Variants in PRKAR2A observed in about 807,000 individuals in gnomAD.
PRKAR2A encodes the protein cAMP-dependent protein kinase type II-alpha regulatory subunit.
PRKAR2A carries 29 observed loss-of-function variants against 51.9 expected under a neutral mutation model. The ratio of observed to expected loss-of-function variants is 0.56; its 90% CI spans 0.42 to 0.76. PRKAR2A has a LOEUF of 0.76. Ranked by LOEUF, PRKAR2A falls within the 30% of genes least tolerant of loss-of-function variation. PRKAR2A has a pLI of 0.00. For missense variants in PRKAR2A, 445 were observed against 512.1 expected (o/e 0.87, Z 1.26); for synonymous variants, 178 against 186.2 (o/e 0.96, Z 0.36).
chr3:48,752,108 G>T, intron 10 of PRKAR2A, 68 bp downstream of exon 10: 1 of 1,542,028 alleles, frequency 6.5e-7, no homozygotes, highest in Non-Finnish European at 8.8e-7. Context: ...ATATGTCAAG[G>T]CTTGCTGATG....
chr3:48,784,817 A>AG (rs2082261576), intron 4 of PRKAR2A, among the ~76,000 whole-genome samples: 1 of 152,290 alleles, frequency 6.6e-6, no homozygotes, highest in Admixed American at 6.5e-5. Flanking sequence ...AACACTGATG[A>AG]GGGGAAAAAA....
intron 1 of PRKAR2A, among the ~76,000 whole-genome samples, chr3:48,814,274 C>T (rs1416053159): frequency 1.3e-5 from 2 of 151,624 alleles, no homozygotes; most frequent in African/African-American, 2.4e-5. Flanking sequence ...AAAAATTAGC[C>T]TGGCGTGGTG....
At chr3:48,794,588 G>C (rs752720302) in intron 2 of PRKAR2A, among the ~76,000 whole-genome samples, 1 of 151,762 alleles carries the variant, frequency 6.6e-6, no homozygotes, top group African/African-American at 2.4e-5. Flanking sequence ...CCAGCTACTC[G>C]GGAGGCTGAG....
At chr3:48,805,008 C>A (rs2082651265) in intron 2 of PRKAR2A, among the ~76,000 whole-genome samples, 1 of 152,078 alleles carries the variant, frequency 6.6e-6, no homozygotes. Context: ...ACCTCCCAGG[C>A]TCAAGCAATC....
chr3:48,801,406 G>A (rs2082588401), intron 2 of PRKAR2A, among the ~76,000 whole-genome samples: 1 of 152,160 alleles, frequency 6.6e-6, no homozygotes, highest in East Asian at 1.9e-4. Flanking sequence ...GCACACCTCA[G>A]CCTCCCGAAG....
At chr3:48,842,812 T>C (rs1206900824) in intron 1 of PRKAR2A, among the ~76,000 whole-genome samples, 1 of 152,180 alleles carries the variant, frequency 6.6e-6, no homozygotes, top group Non-Finnish European at 1.5e-5. Context: ...TGGATTCAGT[T>C]TGCCAGTATT....
chr3:48,814,344 G>A (rs983985478), intron 1 of PRKAR2A, among the ~76,000 whole-genome samples: 5 of 152,068 alleles, frequency 3.3e-5, no homozygotes, highest in Admixed American at 6.6e-5. Context: ...CTTGAACCAC[G>A]GAGGTGGAGG....
chr3:48,786,040 G>A (rs1207990362), intron 4 of PRKAR2A, among the ~76,000 whole-genome samples: 1 of 151,514 alleles, frequency 6.6e-6, no homozygotes, highest in Non-Finnish European at 1.5e-5. Context: ...AGGGTATGAA[G>A]CAACCTGAAA....
intron 9 of PRKAR2A, among the ~76,000 whole-genome samples, chr3:48,753,900 CT>C (rs11389036): frequency 1.9e-4 from 26 of 136,718 alleles, no homozygotes; most frequent in Admixed American, 3.0e-4. Flanking sequence ...CTATTGTTTT[CT>C]TTTTTTTTTT....
At chr3:48,828,797 G>A (rs747408643) in intron 1 of PRKAR2A, among the ~76,000 whole-genome samples, 3 of 149,980 alleles carry the variant, frequency 2.0e-5, no homozygotes, top group Non-Finnish European at 4.4e-5. Flanking sequence ...ACCAGGTGCA[G>A]TGGTTCATGC....
Position 48,812,895 on chromosome 3 carries a change from C to T in PRKAR2A, c.263-5211G>A, listed in dbSNP as rs987249014. 1.1e-4 allele frequency among the ~76,000 whole-genome samples: 17 copies of T among 152,172 alleles called. 1 individual carries two copies. Among genetic ancestry groups the T allele is most frequent in the Admixed American group, 7.9e-4 (12 of 15,274 alleles). ...AACTCTGAGAACTTTGTAAACACAA[C>T]TGTGTTCTACAGACAGCAAAAGCTT... On this transcript the variant is annotated intron_variant, in intron 1 of 10. Coordinates refer to ENST00000265563, the MANE Select transcript of PRKAR2A (RefSeq NM_004157.4).
chr3:48,814,503 C>G (rs2082841135), intron 1 of PRKAR2A, among the ~76,000 whole-genome samples: 1 of 152,174 alleles, frequency 6.6e-6, no homozygotes, highest in African/African-American at 2.4e-5. Context: ...CTGACTTTAA[C>G]AATCCTTTCT....
intron 8 of PRKAR2A, among the ~76,000 whole-genome samples, chr3:48,760,154 G>A (rs977609753): frequency 6.6e-6 from 1 of 152,088 alleles, no homozygotes; most frequent in African/African-American, 2.4e-5. Context: ...AGAAGCTTGA[G>A]ACCAGCATGG....
At chr3:48,756,283 CAAT>C (rs2081762551) in intron 9 of PRKAR2A, 93 bp downstream of exon 9, 3 of 1,083,364 alleles carry the variant, frequency 2.8e-6, no homozygotes, top group Admixed American at 3.5e-5. Flanking sequence ...CCTCACATAA[CAAT>C]GATGGTTTGG....
chr3:48,745,527 G>GTTTTTTTTTTTTTT (rs34668049), downstream of PRKAR2A, among the ~76,000 whole-genome samples: 1 of 70,422 alleles, frequency 1.4e-5, no homozygotes, highest in African/African-American at 5.8e-5. Context: ...TTTGGATAAG[G>GTTTTTTTTTTTTTT]TTTTTTTTTT....
intron 1 of PRKAR2A, among the ~76,000 whole-genome samples, chr3:48,837,684 A>G (rs2083306483): frequency 6.6e-6 from 1 of 152,210 alleles, no homozygotes; most frequent in Non-Finnish European, 1.5e-5. Context: ...GGAACAATCT[A>G]TATGTCCATC....
In PRKAR2A at chr3:48,790,525, CT is replaced by C; in HGVS notation, c.435+18del. The C allele has an allele frequency of 6.7e-7, 1 of 1,497,794 alleles. No individual in the cohort carries two copies. Among genetic ancestry groups the C allele is most frequent in the Non-Finnish European group, 9.0e-7 (1 of 1,116,718 alleles). The allele number at this position is 1,497,794 out of a possible 1,614,324, so 92.8% of individuals were successfully genotyped here. On this transcript the variant is annotated intron_variant, in intron 4 of 10. Coordinates refer to ENST00000265563, the MANE Select transcript of PRKAR2A (RefSeq NM_004157.4). ...CTAAAAGATCATTATAATAAAAATACTTTAGAAATCAATGTTACCTGATCAA... is the reference window on the plus strand; with the variant it reads ...CTAAAAGATCATTATAATAAAAATACTTAGAAATCAATGTTACCTGATCAA...
At chr3:48,784,745 T>A (rs2107293805) in intron 4 of PRKAR2A, among the ~76,000 whole-genome samples, 2 of 152,310 alleles carry the variant, frequency 1.3e-5, no homozygotes, top group Middle Eastern at 6.8e-3. Flanking sequence ...GGTTGATAGG[T>A]TCTTGAAAAC....
At chr3:48,784,176 G>A (rs1385192545) in intron 4 of PRKAR2A, among the ~76,000 whole-genome samples, 1 of 152,088 alleles carries the variant, frequency 6.6e-6, no homozygotes, top group Non-Finnish European at 1.5e-5. Flanking sequence ...TCCCTGTCAG[G>A]GAGATCAGTA....
Sources: allele counts gnomAD v4.1 joint callset (sites outside exome capture counted in the v4.1 genomes callset), GRCh38; gene constraint gnomAD v4.1.1; transcripts MANE v1.5; gene names NCBI Gene and HGNC (gene_info 2026-07-23, HGNC 2026-07-21).